HSD17B12: variants seen among roughly 807,000 people sequenced by gnomAD.
HSD17B12 encodes very-long-chain 3-oxoacyl-CoA reductase.
A neutral mutation model predicts 39.3 loss-of-function variants in HSD17B12; 32 were observed. The observed-to-expected ratio is 0.81, with a 90% CI of 0.61 to 1.09. The LOEUF is 1.09. HSD17B12 is among the 50% of genes least tolerant of loss of function. The pLI is 0.00. For missense variants in HSD17B12, 342 were observed against 382.9 expected, an observed-to-expected ratio of 0.89 and a Z score of 0.89; for synonymous variants, 150 against 146.7, an observed-to-expected ratio of 1.02 and a Z score of -0.16.
intron 1 of HSD17B12, among the ~76,000 whole-genome samples, chr11:43,734,859 A>T (rs1389441727): frequency 6.6e-6 from 1 of 151,966 alleles, no homozygotes; most frequent in Non-Finnish European, 1.5e-5. Flanking sequence ...TGCAACTTTC[A>T]CCTCTATCTA....
In HSD17B12 at chr11:43,726,726, A is replaced by G. The variant is rs370435101; in HGVS notation, c.161-24185A>G. Among the ~76,000 whole-genome samples the G allele has an allele frequency of 3.9e-5, 6 of 152,370 alleles. No individual in the cohort carries two copies. The South Asian group carries it at 1.2e-3, about 32-fold the overall frequency. On this transcript the variant is annotated intron_variant, in intron 1 of 10. Coordinates refer to ENST00000278353, the MANE Select transcript of HSD17B12 (RefSeq NM_016142.3). ...AAGCATATTTAGGTTGTGTCTAAAT[A>G]GTTCTTATAGAACAAATATTATGAT...
the HSD17B12 span, among the ~76,000 whole-genome samples, chr11:43,654,837 C>A: frequency 1.3e-5 from 2 of 152,148 alleles, no homozygotes; most frequent in African/African-American, 4.8e-5. Context: ...CATGATACCT[C>A]CAGCTTTGTT....
At chr11:43,642,817 T>C in the HSD17B12 span, among the ~76,000 whole-genome samples, 1 of 151,960 alleles carries the variant, frequency 6.6e-6, no homozygotes, top group Non-Finnish European at 1.5e-5. Context: ...TCTTAATTGT[T>C]TAGGAAACTA....
chr11:43,616,905 G>A, the HSD17B12 span, among the ~76,000 whole-genome samples: 1 of 150,308 alleles, frequency 6.7e-6, no homozygotes, highest in African/African-American at 2.4e-5. Context: ...CCGGGAGGTG[G>A]AGGTTGCAGT....
chr11:43,729,396 T>C (rs1430750086), intron 1 of HSD17B12, among the ~76,000 whole-genome samples: 1 of 152,186 alleles, frequency 6.6e-6, no homozygotes, highest in Non-Finnish European at 1.5e-5. Context: ...AGTAGGTGAG[T>C]AGGTCTGTAA....
chr11:43,793,688 C>G (rs879853582), intron 3 of HSD17B12, among the ~76,000 whole-genome samples: 2 of 152,168 alleles, frequency 1.3e-5, no homozygotes, highest in Non-Finnish European at 2.9e-5. Context: ...GTTTCAGCAG[C>G]ATCTTGAGAC....
the HSD17B12 span, among the ~76,000 whole-genome samples, chr11:43,675,286 G>A: frequency 6.6e-6 from 1 of 152,168 alleles, no homozygotes; most frequent in East Asian, 1.9e-4. Context: ...TATGAAGGGA[G>A]GTCAGGGAAT....
At chr11:43,834,753 T>C (rs1347173756) in intron 7 of HSD17B12, among the ~76,000 whole-genome samples, 1 of 152,160 alleles carries the variant, frequency 6.6e-6, no homozygotes, top group African/African-American at 2.4e-5. Context: ...TAGGAAGCTG[T>C]AAGTGTGAGG....
intron 6 of HSD17B12, among the ~76,000 whole-genome samples, chr11:43,823,224 C>T (rs1951199764): frequency 6.6e-6 from 1 of 151,832 alleles, no homozygotes; most frequent in Non-Finnish European, 1.5e-5. Flanking sequence ...GCATGTCTTC[C>T]CTTCACTGAG....
intron 3 of HSD17B12, among the ~76,000 whole-genome samples, chr11:43,756,695 G>A (rs913929919): frequency 1.4e-4 from 22 of 152,140 alleles, no homozygotes; most frequent in Non-Finnish European, 2.6e-4. Flanking sequence ...TGAATCTACC[G>A]TCTACTCGAT....
At position 43,823,869 on chromosome 11, in the gene HSD17B12, G is replaced by A. The variant is rs188079952; in HGVS notation, c.502-7107G>A. On this transcript the variant is annotated intron_variant, in intron 6 of 10. Transcript: ENST00000278353. Reference sequence around the variant, plus strand: ...CTAGAAGGTTGAACTTGAATCAATCGCTATTTATACTGAAGTAAATTGTGA... The same window carrying A: ...CTAGAAGGTTGAACTTGAATCAATCACTATTTATACTGAAGTAAATTGTGA... 6.8e-3 allele frequency among the ~76,000 whole-genome samples: 1,030 copies of A among 152,230 alleles called. 8 individuals are homozygous for A. The highest frequency in any genetic ancestry group is 0.011 in the Non-Finnish European group (715 of 68,026).
the HSD17B12 span, among the ~76,000 whole-genome samples, chr11:43,565,674 A>G: frequency 6.6e-6 from 1 of 152,264 alleles, no homozygotes; most frequent in Non-Finnish European, 1.5e-5. Context: ...TGTCAGTCTT[A>G]TAGCTCATTC....
At chr11:43,651,190 T>A in the HSD17B12 span, among the ~76,000 whole-genome samples, 1 of 152,196 alleles carries the variant, frequency 6.6e-6, no homozygotes, top group African/African-American at 2.4e-5. Context: ...AAGGTAAATG[T>A]TGCCCATGAA....
intron 1 of HSD17B12, among the ~76,000 whole-genome samples, chr11:43,718,162 G>T (rs1157825655): frequency 6.6e-6 from 1 of 152,164 alleles, no homozygotes; most frequent in African/African-American, 2.4e-5. Context: ...GATTTAAGTG[G>T]AAGGGAAAAG....
the HSD17B12 span, among the ~76,000 whole-genome samples, chr11:43,633,687 C>A: frequency 6.6e-6 from 1 of 152,024 alleles, no homozygotes; most frequent in Admixed American, 6.6e-5. Flanking sequence ...ATGGTCCCAC[C>A]CTAAATGGTA....
chr11:43,617,006 A>C, the HSD17B12 span, among the ~76,000 whole-genome samples: 1 of 151,642 alleles, frequency 6.6e-6, no homozygotes, highest in African/African-American at 2.4e-5. Flanking sequence ...AAAGAAAAAA[A>C]AATCCGGGGT....
Position 43,729,128 on chromosome 11 carries a change from AG to A in HSD17B12, c.161-21781del, listed in dbSNP as rs1392649888. On this transcript the variant is annotated intron_variant, in intron 1 of 10. Coordinates refer to ENST00000278353, the MANE Select transcript of HSD17B12 (RefSeq NM_016142.3). The stretch of plus-strand genomic sequence containing the variant: ...TTCATTCTGAAAAACTAAAAGGGAA[AG>A]GCAATAGAGTAGCAACTTAGTAAGG... Among the ~76,000 whole-genome samples, 5 of 152,308 alleles carry A rather than the reference AG, an allele frequency of 3.3e-5. No homozygotes were observed. In the South Asian group the frequency reaches 6.2e-4, roughly 19 times the overall value.
chr11:43,628,361 GA>G, the HSD17B12 span, among the ~76,000 whole-genome samples: 1 of 152,036 alleles, frequency 6.6e-6, no homozygotes, highest in African/African-American at 2.4e-5. Flanking sequence ...TGTACAGGTA[GA>G]AAATAAGTCA....
intron 3 of HSD17B12, among the ~76,000 whole-genome samples, chr11:43,754,453 G>A (rs764164783): frequency 1.2e-4 from 18 of 152,072 alleles, no homozygotes; most frequent in Non-Finnish European, 2.5e-4. Context: ...GCGGGCACCT[G>A]TAATCCCAGC....
Sources: gnomAD v4.1 joint callset for allele counts (sites outside exome capture counted in the v4.1 genomes callset) on GRCh38, gnomAD v4.1.1 for gene constraint, MANE v1.5 for transcripts, NCBI Gene and HGNC (gene_info 2026-07-23, HGNC 2026-07-21) for gene names.